Variants in FRAS1 observed in about 807,000 individuals in gnomAD.
FRAS1 encodes the protein Fraser extracellular matrix complex subunit 1.
In FRAS1, 290 loss-of-function variants were observed where a neutral mutation model predicts 435.2. The ratio of observed to expected loss-of-function variants is 0.67; its 90% CI spans 0.61 to 0.73. FRAS1 has a LOEUF of 0.73. FRAS1 is among the 30% of genes least tolerant of loss of function. FRAS1 has a pLI of 0.00. For missense variants in FRAS1, 4,860 were observed against 5,001.5 expected (o/e 0.97, Z 0.85); for synonymous variants, 1,800 against 1,851.0 (o/e 0.97, Z 0.71).
chr4:78,359,448 T>G (rs1730991884), intron 20 of FRAS1, among the ~76,000 whole-genome samples: 1 of 152,180 alleles, frequency 6.6e-6, no homozygotes, highest in Non-Finnish European at 1.5e-5. Context: ...AAGTGTTCCC[T>G]AGGTTTTGGG....
At chr4:78,517,970 G>A (rs1157094375) in intron 66 of FRAS1, among the ~76,000 whole-genome samples, 1 of 152,002 alleles carries the variant, frequency 6.6e-6, no homozygotes, top group African/African-American at 2.4e-5. Context: ...CAAAAAGAGG[G>A]GCTGGGAACA....
intron 58 of FRAS1, among the ~76,000 whole-genome samples, chr4:78,488,511 T>A (rs1720243286): frequency 6.6e-6 from 1 of 152,234 alleles, no homozygotes; most frequent in African/African-American, 2.4e-5. Flanking sequence ...GTCTTTTGAG[T>A]ACCCAAATAA....
rs1168407788 is a variant in FRAS1 at position 78,181,169 on chromosome 4, A to T, written c.109-56341A>T. 9 of 1,599,178 alleles carry T rather than the reference A, an allele frequency of 5.6e-6. No individual in the cohort carries two copies. In the Admixed American group the frequency reaches 1.5e-4, roughly 27 times the overall value. ...ATCAGCACCTTCATTTGGTTTTCAG[A>T]TATTAAATTCTACTTTTGCCCGGTC... On this transcript the variant is annotated intron_variant, in intron 2 of 73. Transcript: ENST00000512123.
chr4:78,358,934 T>TAATC (rs1730968846), intron 20 of FRAS1, among the ~76,000 whole-genome samples: 1 of 151,742 alleles, frequency 6.6e-6, no homozygotes, highest in African/African-American at 2.4e-5. Flanking sequence ...CACATTTAAT[T>TAATC]TAATCTAATC....
chr4:78,356,266 A>G (rs918673770), intron 20 of FRAS1, among the ~76,000 whole-genome samples: 3 of 152,170 alleles, frequency 2.0e-5, no homozygotes, highest in African/African-American at 4.8e-5. Context: ...TTTGAAAACC[A>G]GGTGATGCAA....
intron 2 of FRAS1, among the ~76,000 whole-genome samples, chr4:78,218,347 G>T (rs1723892516): frequency 6.6e-6 from 1 of 151,740 alleles, no homozygotes; most frequent in Non-Finnish European, 1.5e-5. Context: ...AAAGTTTGGG[G>T]TATATCTGGA....
chr4:78,452,587 C>T (rs1215640701), intron 47 of FRAS1, among the ~76,000 whole-genome samples: 2 of 152,194 alleles, frequency 1.3e-5, no homozygotes, highest in Non-Finnish European at 2.9e-5. Context: ...TTTCTATATG[C>T]AATCTTGTCT....
intron 56 of FRAS1, 139 bp downstream of exon 56, chr4:78,479,857 A>G: frequency 5.2e-6 from 3 of 580,946 alleles, no homozygotes; most frequent in Non-Finnish European, 8.5e-6. Context: ...CTAAGGCACT[A>G]TATAATGCTT....
At chr4:78,444,307 C>T (rs1044344020) in intron 41 of FRAS1, 6 of 244,196 alleles carry the variant, frequency 2.5e-5, no homozygotes, top group Non-Finnish European at 3.3e-5. Context: ...GGTCACTGGC[C>T]GCTTAGACCT....
chr4:78,314,279 G>A (rs1032305994), intron 15 of FRAS1, among the ~76,000 whole-genome samples: 2 of 151,972 alleles, frequency 1.3e-5, no homozygotes, highest in African/African-American at 4.8e-5. Flanking sequence ...TCCCTGGATT[G>A]TGCATGTTCC....
At chr4:78,540,496 G>T in intron 73 of FRAS1, 35 bp from the exon 74 acceptor site, 1 of 1,390,396 alleles carries the variant, frequency 7.2e-7, no homozygotes, top group South Asian at 1.6e-5. Flanking sequence ...GTGGTCTGTG[G>T]GCAACAACAA....
chr4:78,246,290 A>G (rs949147085), intron 4 of FRAS1, among the ~76,000 whole-genome samples: 2 of 152,208 alleles, frequency 1.3e-5, no homozygotes, highest in South Asian at 2.1e-4. Flanking sequence ...AGGAGAGAGC[A>G]TAGGTTAGTA....
chr4:78,282,721 T>TCG (rs1727388998), intron 11 of FRAS1, 99 bp from the exon 12 acceptor site: 1 of 1,398,292 alleles, frequency 7.2e-7, no homozygotes, highest in Non-Finnish European at 1.0e-6. Context: ...TTAGCTGCCT[T>TCG]CACTTTGTTC....
intron 17 of FRAS1, among the ~76,000 whole-genome samples, chr4:78,317,991 AT>A (rs1729346206): frequency 6.6e-6 from 1 of 152,238 alleles, no homozygotes; most frequent in African/African-American, 2.4e-5. Context: ...TCATTTAAGC[AT>A]TTTGAAACTA....
intron 2 of FRAS1, among the ~76,000 whole-genome samples, chr4:78,088,915 A>C (rs373305560): frequency 1.9e-4 from 29 of 152,174 alleles, no homozygotes; most frequent in African/African-American, 4.8e-4. Flanking sequence ...TTGACCCAGC[A>C]ATCCCATTAC....
chr4:78,536,970 A>G (rs747430015), intron 71 of FRAS1, 25 bp from the exon 72 acceptor site: 21 of 1,588,292 alleles, frequency 1.3e-5, no homozygotes, highest in Non-Finnish European at 1.7e-5. Flanking sequence ...AGTCTGACCT[A>G]ATTAATACCT....
chr4:78,418,414 C>T (rs919965338), intron 32 of FRAS1, among the ~76,000 whole-genome samples: 11 of 152,176 alleles, frequency 7.2e-5, no homozygotes, highest in South Asian at 2.1e-4. Flanking sequence ...CTTCTTGGGG[C>T]GGAGACTTCA....
chr4:78,272,020 G>A (rs1439365769), intron 9 of FRAS1, among the ~76,000 whole-genome samples: 3 of 152,248 alleles, frequency 2.0e-5, no homozygotes, highest in Non-Finnish European at 4.4e-5. Context: ...ACTGGTGTGA[G>A]ACGGTATCTC....
chr4:78,254,969 T>A (rs917602069), intron 5 of FRAS1, among the ~76,000 whole-genome samples: 1 of 152,138 alleles, frequency 6.6e-6, no homozygotes, highest in African/African-American at 2.4e-5. Flanking sequence ...ACAGCATTCA[T>A]TGGGATGGAG....
Sources: gnomAD v4.1 joint callset for allele counts (sites outside exome capture counted in the v4.1 genomes callset) on GRCh38, gnomAD v4.1.1 for gene constraint, MANE v1.5 for transcripts, NCBI Gene and HGNC (gene_info 2026-07-23, HGNC 2026-07-21) for gene names.